The following CD58 variants were observed in gnomAD, a reference collection of about 807,000 sequenced individuals.
CD58 encodes CD58 molecule.
A neutral mutation model predicts 27.6 loss-of-function variants in CD58; 14 were observed. The ratio of observed to expected loss-of-function variants is 0.51; its 90% CI spans 0.34 to 0.79. The LOEUF (loss-of-function observed/expected upper bound fraction) is 0.79, where lower values mean the gene tolerates loss of function less well. CD58 is among the 30% of genes least tolerant of loss of function. The pLI is 0.02. For missense variants in CD58, 268 were observed against 301.7 expected, an observed-to-expected ratio of 0.89 and a Z score of 0.83; for synonymous variants, 117 against 103.8, an observed-to-expected ratio of 1.13 and a Z score of -0.77.
At position 116,550,688 on chromosome 1, in the gene CD58, T is replaced by A. The variant is rs941746525; in HGVS notation, c.71-6084A>T. Among the ~76,000 whole-genome samples the A allele has an allele frequency of 6.6e-6, 1 of 152,204 alleles. No homozygotes were observed. Among genetic ancestry groups the A allele is most frequent in the Non-Finnish European group, 1.5e-5 (1 of 68,038 alleles). On this transcript the variant is annotated intron_variant, in intron 1 of 5. Transcript: ENST00000369489. This position sits in a 1 kb window ranked among gnomAD's most constrained non-coding sequence, Gnocchi z 4.2. ...TCCCATGAACCACAAATATTCTTAA[T>A]GACATCTAGAATGCTGAATCCTTTC...
At position 116,521,899 on chromosome 1, in the gene CD58, T is replaced by G; in HGVS notation, c.706+7A>C. On this transcript the variant is annotated splice_region_variant and intron_variant, in intron 4 of 5. Transcript: ENST00000369489. The surrounding 1 kb of genome is among the most constrained non-coding windows in gnomAD (Gnocchi z 5.6). ...TCAAACTATTTTGTTTTAAAAAGCA[T>G]ACATACCATTCATATACAGCACAAT... is the stretch of plus-strand genomic sequence containing the variant. The G allele has an allele frequency of 7.0e-7, 1 of 1,423,718 alleles. No individual in the cohort carries two copies. Among genetic ancestry groups the G allele is most frequent in the Non-Finnish European group, 9.9e-7 (1 of 1,010,364 alleles). The allele number at this position is 1,423,718 out of a possible 1,614,324, so 88.2% of individuals were successfully genotyped here. A position where few individuals can be genotyped will look rare whatever the true frequency, so the allele number is the denominator to read the frequency against.
In CD58 at chr1:116,563,441, G is replaced by C. The variant is rs1009274983; in HGVS notation, c.70+7462C>G. 3.9e-5 allele frequency among the ~76,000 whole-genome samples: 6 copies of C among 152,172 alleles called. No individual in the cohort carries two copies. Among genetic ancestry groups the C allele is most frequent in the Non-Finnish European group, 7.3e-5 (5 of 68,032 alleles). On this transcript the variant is annotated intron_variant, in intron 1 of 5. Coordinates refer to ENST00000369489, the MANE Select transcript of CD58 (RefSeq NM_001779.3). The surrounding 1 kb of genome is among the most constrained non-coding windows in gnomAD (Gnocchi z 4.1). Reference sequence around the variant, plus strand: ...TAGGCGGTGCCCCAGTGGGGACTCTGTGTGGGGGCTCCAACTCCACATTTC... The same window carrying C: ...TAGGCGGTGCCCCAGTGGGGACTCTCTGTGGGGGCTCCAACTCCACATTTC...
At chr1:116,542,659 G>A (rs1302653807) in intron 2 of CD58, among the ~76,000 whole-genome samples, 1 of 152,188 alleles carries the variant, frequency 6.6e-6, no homozygotes, top group Non-Finnish European at 1.5e-5. Context: ...ACTTATGGGG[G>A]AAATTCTCAT....
intron 1 of CD58, among the ~76,000 whole-genome samples, chr1:116,560,289 G>T (rs1322149108): frequency 6.6e-6 from 1 of 152,064 alleles, no homozygotes; most frequent in East Asian, 1.9e-4. Context: ...TCTCACCTTA[G>T]ATAGGATACA....
chr1:116,553,204 T>C (rs1273249966), intron 1 of CD58, among the ~76,000 whole-genome samples: 3 of 152,132 alleles, frequency 2.0e-5, no homozygotes, highest in Admixed American at 1.3e-4. Context: ...TTATATGTTA[T>C]ATATTTTTAT....
At chr1:116,518,456 G>A (rs937836159) in intron 5 of CD58, among the ~76,000 whole-genome samples, 1 of 152,000 alleles carries the variant, frequency 6.6e-6, no homozygotes, top group South Asian at 2.1e-4. Context: ...AAACTCTGCG[G>A]TTCTCCCTAA....
In CD58 at chr1:116,518,337, G is replaced by A. The variant is rs144328425; in HGVS notation, c.743+894C>T. ...TTGACTCAGGCCCTCTTCTCTGCTT[G>A]GCTGGATTATTTCATTACTCCACTA... On this transcript the variant is annotated intron_variant, in intron 5 of 5. Transcript: ENST00000369489. Among the ~76,000 whole-genome samples the A allele has an allele frequency of 2.9e-3, 448 of 151,894 alleles. 4 individuals carry two copies. The highest frequency in any genetic ancestry group is 5.8e-3 in the Admixed American group (89 of 15,242).
Position 116,541,181 on chromosome 1 carries a change from A to C in CD58, c.364+3130T>G, listed in dbSNP as rs895782586. 1.3e-5 allele frequency among the ~76,000 whole-genome samples: 2 copies of C among 152,248 alleles called. No individual in the cohort carries two copies. Among genetic ancestry groups the C allele is most frequent in the African/African-American group, 4.8e-5 (2 of 41,468 alleles). On this transcript the variant is annotated intron_variant, in intron 2 of 5. Transcript: ENST00000369489. The surrounding 1 kb of genome is among the most constrained non-coding windows in gnomAD (Gnocchi z 5.3). ...GAAATTTATTCAAATGTTTTGAATT[A>C]GTTTTACAAACTCTATAAAAAGGGC...
chr1:116,518,147 C>G (rs1422766274), intron 5 of CD58, among the ~76,000 whole-genome samples: 1 of 152,122 alleles, frequency 6.6e-6, no homozygotes, highest in Non-Finnish European at 1.5e-5. Context: ...AACCAAAGCA[C>G]AGAGAGTTTA....
At chr1:116,558,280 C>G (rs1191075151) in intron 1 of CD58, among the ~76,000 whole-genome samples, 1 of 152,092 alleles carries the variant, frequency 6.6e-6, no homozygotes, top group East Asian at 1.9e-4. Context: ...AAGCCTCGTG[C>G]AAGCCCAGAG....
At position 116,514,731 on chromosome 1, in the gene CD58, TA is replaced by T; in HGVS notation, c.*81del. The T allele has an allele frequency of 1.1e-6, 1 of 871,460 alleles. No homozygotes were observed. The highest frequency in any genetic ancestry group is 1.8e-6 in the Non-Finnish European group (1 of 548,616). 54.0% of individuals were successfully genotyped at this position (871,460 alleles called of 1,614,324 possible). On this transcript the variant is annotated 3_prime_UTR_variant, in exon 6 of 6. Coordinates refer to ENST00000369489, the MANE Select transcript of CD58 (RefSeq NM_001779.3). ...ATTTCCAACAGTTGTTCAAAAATTG[TA>T]ATACTCAAATGAGAAATCAGATGGC...
rs1005701551 is a variant in CD58 at position 116,532,737 on chromosome 1, T to G, written c.628+3228A>C. Among the ~76,000 whole-genome samples, 2 of 152,034 alleles carry G rather than the reference T, an allele frequency of 1.3e-5. No individual in the cohort carries two copies. The highest frequency in any genetic ancestry group is 2.4e-5 in the African/African-American group (1 of 41,426). On this transcript the variant is annotated intron_variant, in intron 3 of 5. Coordinates refer to ENST00000369489, the MANE Select transcript of CD58 (RefSeq NM_001779.3). The surrounding 1 kb of genome is among the most constrained non-coding windows in gnomAD (Gnocchi z 5.1). The stretch of plus-strand genomic sequence containing the variant: ...TGGACAAAACCTCCTATTTCTGAAA[T>G]GCATTTCAGTTGCCACTGTACACAT...
chr1:116,532,822 T>G lies in CD58; in HGVS notation c.628+3143A>C. 1 of 555,564 alleles carries G rather than the reference T, an allele frequency of 1.8e-6. No individual in the cohort carries two copies. The allele number at this position is 555,564 out of a possible 1,614,324, so 34.4% of individuals were successfully genotyped here. Reference sequence around the variant, plus strand: ...GTGAAAATCATGCACTTGAAAACGATTAGATGGAGTAAGCGCTGTCGACGG... The same window carrying G: ...GTGAAAATCATGCACTTGAAAACGAGTAGATGGAGTAAGCGCTGTCGACGG... On this transcript the variant is annotated intron_variant, in intron 3 of 5. Coordinates refer to ENST00000369489, the MANE Select transcript of CD58 (RefSeq NM_001779.3). This position sits in a 1 kb window ranked among gnomAD's most constrained non-coding sequence, Gnocchi z 5.1.
intron 3 of CD58, among the ~76,000 whole-genome samples, chr1:116,525,969 T>C (rs1194947497): frequency 6.6e-6 from 1 of 152,188 alleles, no homozygotes; most frequent in African/African-American, 2.4e-5. Flanking sequence ...TCTTTTTATA[T>C]CCCTATTTGC....
intron 1 of CD58, among the ~76,000 whole-genome samples, chr1:116,564,841 C>T (rs984982389): frequency 2.0e-5 from 3 of 152,198 alleles, no homozygotes; most frequent in African/African-American, 7.2e-5. Context: ...TGGTCTCGAA[C>T]TCCTGGGCTC....
At position 116,538,455 on chromosome 1, in the gene CD58, A is replaced by G. The variant is rs548280259; in HGVS notation, c.365-2227T>C. ...TATACTTATGCCTGCCTCTGTAACT[A>G]GGCTGGGCATTTCTCAGGGGCAGAA... On this transcript the variant is annotated intron_variant, in intron 2 of 5. Coordinates refer to ENST00000369489, the MANE Select transcript of CD58 (RefSeq NM_001779.3). The surrounding 1 kb of genome is among the most constrained non-coding windows in gnomAD (Gnocchi z 4.7). Among the ~76,000 whole-genome samples the G allele has an allele frequency of 6.6e-6, 1 of 152,290 alleles. No homozygotes were observed. The highest frequency in any genetic ancestry group is 2.1e-4 in the South Asian group (1 of 4,830).
Position 116,563,830 on chromosome 1 carries a change from G to A in CD58, c.70+7073C>T, listed in dbSNP as rs757365296. On this transcript the variant is annotated intron_variant, in intron 1 of 5. Coordinates refer to ENST00000369489, the MANE Select transcript of CD58 (RefSeq NM_001779.3). The surrounding 1 kb of genome is among the most constrained non-coding windows in gnomAD (Gnocchi z 4.1). ...TGTGATAGGAGGGGCTGCCATGAAGGTTTCTGATATGCCCTGGAGACATTT... is the reference window on the plus strand; with the variant it reads ...TGTGATAGGAGGGGCTGCCATGAAGATTTCTGATATGCCCTGGAGACATTT... Among the ~76,000 whole-genome samples, 87 of 152,318 alleles carry A rather than the reference G, an allele frequency of 5.7e-4. No homozygotes were observed. Among genetic ancestry groups the A allele is most frequent in the Middle Eastern group, 3.4e-3 (1 of 294 alleles).
chr1:116,556,125 C>G (rs1658549955), intron 1 of CD58, among the ~76,000 whole-genome samples: 1 of 151,986 alleles, frequency 6.6e-6, no homozygotes, highest in Admixed American at 6.6e-5. Context: ...CGTGGTGGCA[C>G]TCGCCTGTAA....
chr1:116,530,085 A>G (rs1244766459), intron 3 of CD58, among the ~76,000 whole-genome samples: 1 of 152,220 alleles, frequency 6.6e-6, no homozygotes, highest in Non-Finnish European at 1.5e-5. Context: ...TGAAACGTAT[A>G]GAGAGTCAGG....
Sources: gnomAD v4.1 joint callset for allele counts (sites outside exome capture counted in the v4.1 genomes callset) on GRCh38, gnomAD v4.1.1 for gene constraint, Gnocchi (gnomAD v3.1) non-coding constraint, MANE v1.5 for transcripts, NCBI Gene and HGNC (gene_info 2026-07-23, HGNC 2026-07-21) for gene names.